ENOX1: variants seen among roughly 807,000 people sequenced by gnomAD.
The protein encoded by ENOX1 is candidate growth-related and time keeping constitutive hydroquinone (NADH) oxidase.
Under a neutral mutation model 82.5 loss-of-function variants are expected in ENOX1, and 42 were observed. The ratio of observed to expected loss-of-function variants is 0.51; its 90% CI spans 0.40 to 0.66. The LOEUF (loss-of-function observed/expected upper bound fraction) is 0.66, where lower values mean the gene tolerates loss of function less well. Ranked by LOEUF, ENOX1 falls within the 30% of genes least tolerant of loss-of-function variation. The pLI, the probability that ENOX1 is intolerant of heterozygous loss-of-function variation, is 0.00. For synonymous variants in ENOX1, 271 were observed against 282.2 expected (o/e 0.96, Z 0.40); for missense variants, 608 against 811.6 (o/e 0.75, Z 3.05).
intron 2 of ENOX1, among the ~76,000 whole-genome samples, chr13:43,645,214 G>A (rs1202412713): frequency 2.0e-5 from 3 of 152,140 alleles, no homozygotes; most frequent in Non-Finnish European, 4.4e-5. Context: ...GACTAGCACG[G>A]TGGCATAATC....
chr13:43,617,626 G>C (rs142544300), intron 2 of ENOX1, among the ~76,000 whole-genome samples: 1,546 of 152,270 alleles, frequency 0.01, 17 homozygotes, highest in Non-Finnish European at 0.014. Flanking sequence ...CTTGTTGACT[G>C]ACAGGTATTT....
chr13:43,466,628 T>A (rs765089937), intron 3 of ENOX1, among the ~76,000 whole-genome samples: 2 of 152,218 alleles, frequency 1.3e-5, no homozygotes, highest in Non-Finnish European at 2.9e-5. Flanking sequence ...AGTACAACTT[T>A]ATTTTTTTAT....
At chr13:43,443,904 A>G (rs186463424) in intron 3 of ENOX1, among the ~76,000 whole-genome samples, 1 of 152,220 alleles carries the variant, frequency 6.6e-6, no homozygotes, top group Non-Finnish European at 1.5e-5. Context: ...TTAAGTGTGC[A>G]ATGTCTAACA....
At chr13:43,367,537 C>T (rs994261927) in intron 5 of ENOX1, among the ~76,000 whole-genome samples, 22 of 152,050 alleles carry the variant, frequency 1.4e-4, no homozygotes, top group Admixed American at 1.2e-3. Flanking sequence ...CCAGGATAGC[C>T]GGCAAACACC....
intron 1 of ENOX1, among the ~76,000 whole-genome samples, chr13:43,682,418 C>A (rs2085836953): frequency 6.6e-6 from 1 of 152,092 alleles, no homozygotes; most frequent in Admixed American, 6.6e-5. Flanking sequence ...CTGCAGAAGG[C>A]CACTTTACTA....
chr13:43,682,879 G>A (rs2085865029), intron 1 of ENOX1, among the ~76,000 whole-genome samples: 1 of 152,160 alleles, frequency 6.6e-6, no homozygotes, highest in Non-Finnish European at 1.5e-5. Context: ...GAAAAAACCT[G>A]GCACTTGAAA....
intron 1 of ENOX1, among the ~76,000 whole-genome samples, chr13:43,737,709 G>A (rs563445884): frequency 8.5e-5 from 13 of 152,286 alleles, no homozygotes; most frequent in African/African-American, 2.9e-4. Context: ...AAGGGACCAC[G>A]TGGTTAAAGA....
intron 3 of ENOX1, among the ~76,000 whole-genome samples, chr13:43,477,328 G>T (rs1037332692): frequency 1.3e-5 from 2 of 151,902 alleles, no homozygotes; most frequent in African/African-American, 4.8e-5. Flanking sequence ...AAATATGGGG[G>T]TGAATACATA....
intron 2 of ENOX1, among the ~76,000 whole-genome samples, chr13:43,623,553 G>A (rs536553902): frequency 2.0e-5 from 3 of 152,280 alleles, no homozygotes; most frequent in Admixed American, 6.5e-5. Flanking sequence ...GGGAGAGGAT[G>A]GTCTCACTTT....
chr13:43,281,278 C>A (rs1048379252), intron 12 of ENOX1, among the ~76,000 whole-genome samples: 2 of 152,164 alleles, frequency 1.3e-5, no homozygotes, highest in African/African-American at 4.8e-5. Flanking sequence ...ATTCTTAATA[C>A]CTGCTGCTGA....
At chr13:43,359,307 G>A (rs1257816353) in intron 7 of ENOX1, among the ~76,000 whole-genome samples, 1 of 152,228 alleles carries the variant, frequency 6.6e-6, no homozygotes. Flanking sequence ...AGATGGGAAG[G>A]CAGCACTAGG....
chr13:43,577,847 A>T (rs2080514570), intron 2 of ENOX1, among the ~76,000 whole-genome samples: 1 of 152,172 alleles, frequency 6.6e-6, no homozygotes, highest in South Asian at 2.1e-4. Context: ...ATTAACTGAC[A>T]ACTTTCTGCT....
intron 3 of ENOX1, among the ~76,000 whole-genome samples, chr13:43,431,240 A>C (rs533561469): frequency 6.6e-6 from 1 of 152,206 alleles, no homozygotes; most frequent in South Asian, 2.1e-4. Flanking sequence ...CCTTGGCAAC[A>C]TCATTTCCTA....
At chr13:43,451,420 GAA>G (rs2056959780) in intron 3 of ENOX1, among the ~76,000 whole-genome samples, 1 of 152,164 alleles carries the variant, frequency 6.6e-6, no homozygotes, top group African/African-American at 2.4e-5. Flanking sequence ...GATGGAAAAT[GAA>G]AAGTCTGTTG....
chr13:43,583,977 C>T (rs552779705), intron 2 of ENOX1, among the ~76,000 whole-genome samples: 2 of 152,266 alleles, frequency 1.3e-5, no homozygotes, highest in Non-Finnish European at 2.9e-5. Flanking sequence ...AGAATAGTTT[C>T]CCCTTAAAAT....
intron 1 of ENOX1, among the ~76,000 whole-genome samples, chr13:43,764,526 T>C (rs923271563): frequency 6.6e-6 from 1 of 152,144 alleles, no homozygotes; most frequent in East Asian, 1.9e-4. Context: ...CTGTGAAATG[T>C]AAAGGCAGAT....
chr13:43,478,398 A>C (rs916006197), intron 3 of ENOX1, among the ~76,000 whole-genome samples: 2 of 152,128 alleles, frequency 1.3e-5, no homozygotes, highest in African/African-American at 4.8e-5. Context: ...CTAGTAGTGC[A>C]TTTCAGGAAA....
intron 2 of ENOX1, among the ~76,000 whole-genome samples, chr13:43,616,910 A>C (rs2082504205): frequency 1.6e-5 from 2 of 125,234 alleles, no homozygotes; most frequent in African/African-American, 5.9e-5. Flanking sequence ...AAGAATGCAA[A>C]AGGTAAAACA....
At chr13:43,321,305 C>T (rs1465684334) in intron 11 of ENOX1, among the ~76,000 whole-genome samples, 2 of 152,196 alleles carry the variant, frequency 1.3e-5, no homozygotes, top group East Asian at 1.9e-4. Flanking sequence ...TAATAAGTTC[C>T]TAGATGATGC....
Sources: gnomAD v4.1 joint callset for allele counts (sites outside exome capture counted in the v4.1 genomes callset) on GRCh38, gnomAD v4.1.1 for gene constraint, MANE v1.5 for transcripts, NCBI Gene and HGNC (gene_info 2026-07-23, HGNC 2026-07-21) for gene names.